Variants in CAAP1 observed in about 807,000 individuals in gnomAD.
CAAP1 encodes caspase activity and apoptosis inhibitor 1, also known as conserved anti-apoptotic protein.
CAAP1 carries 20 observed loss-of-function variants against 34.0 expected under a neutral mutation model. That is an observed-to-expected ratio of 0.59 (90% CI 0.41 to 0.86). The LOEUF is 0.86. Ranked by LOEUF, CAAP1 falls within the 40% of genes least tolerant of loss-of-function variation. CAAP1 has a pLI of 0.00. For synonymous variants in CAAP1, 213 were observed against 166.7 expected (o/e 1.28, Z -2.14); for missense variants, 538 against 450.5 (o/e 1.19, Z -1.76).
chr9:26,870,402 T>C (rs1055785251), intron 4 of CAAP1, among the ~76,000 whole-genome samples: 16 of 151,828 alleles, frequency 1.1e-4, no homozygotes, highest in African/African-American at 3.9e-4. Context: ...AAAATTTCTC[T>C]ACGTAGAGTT....
chr9:26,883,532 G>A (rs1052511308), intron 4 of CAAP1, among the ~76,000 whole-genome samples: 2 of 152,096 alleles, frequency 1.3e-5, no homozygotes, highest in African/African-American at 4.8e-5. Context: ...TCTAACAGTT[G>A]AAAAGGTAAC....
At chr9:26,889,273 C>T (rs1823838417) in intron 1 of CAAP1, among the ~76,000 whole-genome samples, 1 of 152,104 alleles carries the variant, frequency 6.6e-6, no homozygotes, top group Admixed American at 6.5e-5. Context: ...GAAAAATTAG[C>T]TGGGTGTGGA....
chr9:26,868,502 T>C (rs1051253965), intron 4 of CAAP1, among the ~76,000 whole-genome samples: 3 of 152,170 alleles, frequency 2.0e-5, no homozygotes, highest in Non-Finnish European at 4.4e-5. Context: ...GCTGACACCT[T>C]GACCTCAGCC....
chr9:26,843,122 C>T (rs566400697), intron 5 of CAAP1, among the ~76,000 whole-genome samples: 16 of 152,298 alleles, frequency 1.1e-4, no homozygotes, highest in Admixed American at 1.0e-3. Flanking sequence ...ACAACATATG[C>T]ATTGCAATTA....
chr9:26,852,470 A>C lies in CAAP1; in HGVS notation c.739+8596T>G, dbSNP rs534857544. Among the ~76,000 whole-genome samples, 36 of 152,074 alleles carry C rather than the reference A, an allele frequency of 2.4e-4. No individual in the cohort carries two copies. In the South Asian group the frequency reaches 2.9e-3, roughly 12 times the overall value. On this transcript the variant is annotated intron_variant, in intron 5 of 5. Coordinates refer to ENST00000333916, the MANE Select transcript of CAAP1 (RefSeq NM_024828.4). Reference sequence around the variant, plus strand: ...GCTCTGTCTCAAAAACCAACAACAAAAAAAAAGGGTATTGAGAGAAGAGGG... The same window carrying C: ...GCTCTGTCTCAAAAACCAACAACAACAAAAAAGGGTATTGAGAGAAGAGGG...
At chr9:26,868,986 G>T (rs1823208068) in intron 4 of CAAP1, among the ~76,000 whole-genome samples, 1 of 152,116 alleles carries the variant, frequency 6.6e-6, no homozygotes, top group Admixed American at 6.5e-5. Context: ...ATTACGTTAA[G>T]TGTTATAAAG....
intron 4 of CAAP1, among the ~76,000 whole-genome samples, chr9:26,864,230 T>C (rs1352910164): frequency 6.6e-6 from 1 of 152,178 alleles, no homozygotes; most frequent in East Asian, 1.9e-4. Flanking sequence ...CCACAAGCTA[T>C]CCACTGTCCA....
At chr9:26,880,349 G>T (rs977287676) in intron 4 of CAAP1, 5 of 309,526 alleles carry the variant, frequency 1.6e-5, no homozygotes, top group South Asian at 5.3e-5. Context: ...GACCGTGGAA[G>T]GGAAGTGTGT....
At chr9:26,857,061 ATT>A (rs1367406603) in intron 5 of CAAP1, among the ~76,000 whole-genome samples, 1 of 152,218 alleles carries the variant, frequency 6.6e-6, no homozygotes, top group Non-Finnish European at 1.5e-5. Flanking sequence ...TTTTAAAAAT[ATT>A]GTCTACAAAT....
chr9:26,842,627 C>T lies in CAAP1; in HGVS notation c.760G>A (p.Val254Ile). The change falls in exon 6 of 6, where the codon GTA becomes ATA. Residue 254 changes from valine to isoleucine, a missense_variant. This residue lies in a region of CAAP1 where 514 missense variants were observed against 408.4 expected (regional missense o/e 1.26). Coordinates refer to ENST00000333916, the MANE Select transcript of CAAP1 (RefSeq NM_024828.4). ...LKQGKGEDSD[V>I]LSINADAYDS... ...TAAGCATCTGCATTTATACTGAGTA[C>T]ATCACTATCTTCCCCTTTTCCTGTA... The T allele has an allele frequency of 6.2e-7, 1 of 1,607,958 alleles. No individual in the cohort carries two copies. The highest frequency in any genetic ancestry group is 1.1e-5 in the South Asian group (1 of 89,936).
intron 4 of CAAP1, among the ~76,000 whole-genome samples, chr9:26,881,100 C>T (rs1823583900): frequency 6.6e-6 from 1 of 152,078 alleles, no homozygotes; most frequent in South Asian, 2.1e-4. Flanking sequence ...TTTGAGGCCA[C>T]AAATTCAACA....
At chr9:26,873,124 A>C (rs1823322330) in intron 4 of CAAP1, among the ~76,000 whole-genome samples, 1 of 152,178 alleles carries the variant, frequency 6.6e-6, no homozygotes, top group Non-Finnish European at 1.5e-5. Flanking sequence ...GTCATGGCTC[A>C]TGCCTGTGGT....
chr9:26,842,866 G>A (rs1035033658), intron 5 of CAAP1, among the ~76,000 whole-genome samples: 8 of 152,118 alleles, frequency 5.3e-5, no homozygotes, highest in Non-Finnish European at 1.2e-4. Context: ...TTCTGATTTA[G>A]TAGAACATGG....
At chr9:26,882,963 T>G (rs1232974628) in intron 4 of CAAP1, among the ~76,000 whole-genome samples, 1 of 152,180 alleles carries the variant, frequency 6.6e-6, no homozygotes, top group East Asian at 1.9e-4. Flanking sequence ...TTCTCCCATT[T>G]GGAAGGGGTG....
At chr9:26,875,968 T>C (rs1563889870) in intron 4 of CAAP1, among the ~76,000 whole-genome samples, 1 of 152,240 alleles carries the variant, frequency 6.6e-6, no homozygotes, top group Admixed American at 6.5e-5. Flanking sequence ...TTTTATTAGT[T>C]TTCTATTGCC....
intron 5 of CAAP1, among the ~76,000 whole-genome samples, chr9:26,858,265 G>A (rs1822919268): frequency 6.6e-6 from 1 of 152,128 alleles, no homozygotes; most frequent in African/African-American, 2.4e-5. Context: ...ATTACAAATA[G>A]ACAATATTAG....
At chr9:26,878,499 G>A (rs1384975940) in intron 4 of CAAP1, among the ~76,000 whole-genome samples, 1 of 152,180 alleles carries the variant, frequency 6.6e-6, no homozygotes, top group African/African-American at 2.4e-5. Flanking sequence ...GGTTCTCCCA[G>A]ACTCAGAGAC....
chr9:26,885,318 G>A (rs934312895), intron 3 of CAAP1, among the ~76,000 whole-genome samples: 4 of 151,584 alleles, frequency 2.6e-5, no homozygotes, highest in African/African-American at 7.3e-5. Context: ...CTTGTGATCC[G>A]CCCGCCTCAG....
intron 5 of CAAP1, among the ~76,000 whole-genome samples, chr9:26,846,433 AAAAAAAGAAG>A (rs1278535579): frequency 6.7e-6 from 1 of 148,964 alleles, no homozygotes; most frequent in African/African-American, 2.5e-5. Flanking sequence ...AAAAAAAAAA[AAAAAAAGAAG>A]AAGAAAAAAA....
Sources: allele counts gnomAD v4.1 joint callset (sites outside exome capture counted in the v4.1 genomes callset), GRCh38; gene constraint gnomAD v4.1.1; regional missense constraint gnomAD v4.1.1; transcripts MANE v1.5; gene names NCBI Gene and HGNC (gene_info 2026-07-23, HGNC 2026-07-21).